The following TRPC1 variants were observed in gnomAD, a reference collection of about 807,000 sequenced individuals.
TRPC1 encodes short transient receptor potential channel 1.
TRPC1 carries 42 observed loss-of-function variants against 88.2 expected under a neutral mutation model. That is an observed-to-expected ratio of 0.48 (90% CI 0.37 to 0.62). The LOEUF is 0.62. Among genes scored for constraint, TRPC1 ranks in the 20% least tolerant of loss-of-function variants. The pLI is 0.00. For synonymous variants in TRPC1, 288 were observed against 331.8 expected (o/e 0.87, Z 1.43); for missense variants, 699 against 957.3 (o/e 0.73, Z 3.56).
At chr3:142,769,315 A>G (rs545794586) in intron 4 of TRPC1, among the ~76,000 whole-genome samples, 246 of 152,266 alleles carry the variant, frequency 1.6e-3, no homozygotes, top group African/African-American at 5.6e-3. Flanking sequence ...GTTTTAAGGT[A>G]GAAAGTCATG....
intron 4 of TRPC1, among the ~76,000 whole-genome samples, chr3:142,773,937 G>A (rs149515156): frequency 1.3e-5 from 2 of 151,424 alleles, no homozygotes; most frequent in East Asian, 2.0e-4. Flanking sequence ...CTTTTTTCCT[G>A]TTTTGTTGTT....
At chr3:142,740,614 T>G (rs1053002503) in intron 2 of TRPC1, among the ~76,000 whole-genome samples, 1 of 152,214 alleles carries the variant, frequency 6.6e-6, no homozygotes, top group African/African-American at 2.4e-5. Flanking sequence ...GTTGAAGATA[T>G]CAGAGGCAGT....
In TRPC1 at chr3:142,792,786, G is replaced by C; in HGVS notation, c.1438-38G>C. ...TTGCTTTTATTTTCCTAAATTGAGA[G>C]AGCTTATTTACCTTTGGCTTTTTCT... is the stretch of plus-strand genomic sequence containing the variant. On this transcript the variant is annotated intron_variant, in intron 8 of 12. Transcript: ENST00000476941. This position sits in a 1 kb window ranked among gnomAD's most constrained non-coding sequence, Gnocchi z 4.0. 1 of 1,482,964 alleles carries C rather than the reference G, an allele frequency of 6.7e-7. No homozygotes were observed. The highest frequency in any genetic ancestry group is 8.9e-7 in the Non-Finnish European group (1 of 1,118,370). The allele number at this position is 1,482,964 out of a possible 1,614,324, so 91.9% of individuals were successfully genotyped here.
intron 4 of TRPC1, among the ~76,000 whole-genome samples, chr3:142,763,985 CACA>C (rs1560104991): frequency 3.4e-4 from 8 of 23,874 alleles, no homozygotes; most frequent in African/African-American, 2.6e-3. Flanking sequence ...TATATATATA[CACA>C]TACATACATA....
intron 11 of TRPC1, 25 bp downstream of exon 11, chr3:142,804,203 T>G (rs1410328952): frequency 6.2e-7 from 1 of 1,610,042 alleles, no homozygotes; most frequent in Admixed American, 1.7e-5. Flanking sequence ...TTAAAAACTT[T>G]ATATTCTCCT....
chr3:142,746,439 AATG>A (rs1934559453), intron 3 of TRPC1, among the ~76,000 whole-genome samples: 1 of 152,154 alleles, frequency 6.6e-6, no homozygotes, highest in African/African-American at 2.4e-5. Context: ...CCAGTAATGC[AATG>A]ATAAGATGGA....
chr3:142,729,918 C>T (rs983528638), intron 1 of TRPC1, among the ~76,000 whole-genome samples: 1 of 151,970 alleles, frequency 6.6e-6, no homozygotes, highest in African/African-American at 2.4e-5. Context: ...CTTTGGATGC[C>T]AAAGCTTTGT....
intron 1 of TRPC1, 64 bp from the exon 2 acceptor site, chr3:142,736,315 C>A: frequency 7.8e-7 from 1 of 1,284,942 alleles, no homozygotes; most frequent in Non-Finnish European, 1.0e-6. Context: ...CTAAGTTTTT[C>A]TTTACAGTCA....
chr3:142,784,574 C>A (rs944822556), intron 6 of TRPC1, 130 bp from the exon 7 acceptor site: 24 of 763,382 alleles, frequency 3.1e-5, no homozygotes, highest in Non-Finnish European at 4.5e-5. Flanking sequence ...AGGGAAAAAA[C>A]AAAACTATGT....
At position 142,804,593 on chromosome 3, in the gene TRPC1, C is replaced by T; in HGVS notation, c.2117C>T (p.Thr706Ile). Residue 706 changes from threonine (T) to isoleucine (I), a missense_variant, in exon 12 of 13, where the codon ACA becomes ATA. By Grantham distance (89) the Thr-to-Ile change is moderately conservative (BLOSUM62 -1). This residue lies in a region of TRPC1 where 105 missense variants were observed against 141.7 expected (regional missense o/e 0.74). Coordinates refer to ENST00000476941, the MANE Select transcript of TRPC1 (RefSeq NM_001251845.2). ...CTCAGTAAGTGGATTTGCTCTCATA[C>T]ATCAAAAGGCAAGGTCAAACGGCAA... The part of the protein sequence containing the change: ...SSLSKWICSH[T>I]SKGKVKRQNS... 6.2e-7 allele frequency: 1 copy of T among 1,608,294 alleles called. No individual in the cohort carries two copies. The highest frequency in any genetic ancestry group is 8.5e-7 in the Non-Finnish European group (1 of 1,177,654).
chr3:142,764,096 C>G (rs905552122), intron 4 of TRPC1, among the ~76,000 whole-genome samples: 5 of 150,030 alleles, frequency 3.3e-5, no homozygotes, highest in Admixed American at 3.3e-4. Context: ...AAATTCTACA[C>G]TTTAGCTTCT....
intron 7 of TRPC1, among the ~76,000 whole-genome samples, chr3:142,788,072 G>A (rs1459189220): frequency 6.6e-6 from 1 of 152,158 alleles, no homozygotes; most frequent in Admixed American, 6.5e-5. Flanking sequence ...GACCATGCAT[G>A]GCCTTGTAGG....
intron 7 of TRPC1, among the ~76,000 whole-genome samples, chr3:142,788,484 T>C (rs534478017): frequency 1.5e-4 from 23 of 152,182 alleles, no homozygotes; most frequent in African/African-American, 5.5e-4. Flanking sequence ...GGGTAGATCC[T>C]GAGTACAGTT....
At chr3:142,744,709 TCATCTCTCATTGACTAAC>T (rs1380293259) in intron 3 of TRPC1, among the ~76,000 whole-genome samples, 1 of 152,180 alleles carries the variant, frequency 6.6e-6, no homozygotes, top group African/African-American at 2.4e-5. Flanking sequence ...CTAACAATCA[TCATCTCTCATTGACTAAC>T]CAAATTATGG....
intron 2 of TRPC1, among the ~76,000 whole-genome samples, chr3:142,742,253 A>G (rs1185223852): frequency 2.0e-5 from 3 of 152,214 alleles, no homozygotes; most frequent in East Asian, 3.8e-4. Context: ...CTGATTAAAT[A>G]TGCTAAAATC....
intron 3 of TRPC1, among the ~76,000 whole-genome samples, chr3:142,746,350 A>G (rs979527411): frequency 1.1e-4 from 17 of 152,136 alleles, no homozygotes; most frequent in Admixed American, 1.0e-3. Flanking sequence ...TGTTTTTCAT[A>G]CAGTTAAGTA....
intron 4 of TRPC1, among the ~76,000 whole-genome samples, chr3:142,772,428 T>C (rs1296773564): frequency 6.6e-6 from 1 of 152,194 alleles, no homozygotes; most frequent in Non-Finnish European, 1.5e-5. Flanking sequence ...TCTTCTGCCA[T>C]TTCACAGCTA....
intron 9 of TRPC1, among the ~76,000 whole-genome samples, chr3:142,796,723 T>G: frequency 6.6e-6 from 1 of 152,028 alleles, no homozygotes; most frequent in Non-Finnish European, 1.5e-5. Context: ...CACCACAAAG[T>G]TAAGTGTAAT....
chr3:142,773,873 ATTTG>A (rs894536159), intron 4 of TRPC1, among the ~76,000 whole-genome samples: 1 of 150,240 alleles, frequency 6.7e-6, no homozygotes, highest in Non-Finnish European at 1.5e-5. Flanking sequence ...AACATCTAGT[ATTTG>A]TTTGTTTGAA....
Sources: allele counts gnomAD v4.1 joint callset (sites outside exome capture counted in the v4.1 genomes callset), GRCh38; gene constraint gnomAD v4.1.1; regional missense constraint gnomAD v4.1.1; non-coding constraint Gnocchi (gnomAD v3.1); transcripts MANE v1.5; gene names NCBI Gene and HGNC (gene_info 2026-07-23, HGNC 2026-07-21).